GAD2: variants seen among roughly 807,000 people sequenced by gnomAD.
GAD2 encodes 65 kDa glutamic acid decarboxylase.
Under a neutral mutation model 80.1 loss-of-function variants are expected in GAD2, and 22 were observed. The ratio of observed to expected loss-of-function variants is 0.27; its 90% CI spans 0.20 to 0.39. GAD2 has a LOEUF of 0.39. GAD2 is among the 10% of genes least tolerant of loss of function. The pLI, the probability that GAD2 is intolerant of heterozygous loss-of-function variation, is 1.00. For synonymous variants in GAD2, 274 were observed against 256.9 expected (o/e 1.07, Z -0.64); for missense variants, 624 against 738.4 (o/e 0.85, Z 1.80).
intron 15 of GAD2, among the ~76,000 whole-genome samples, chr10:26,295,082 C>CT (rs1554853859): frequency 0.011 from 1,688 of 150,726 alleles, 18 homozygotes; most frequent in South Asian, 0.019. Context: ...AGAATAAAAA[C>CT]TTTTTTTTTT....
chr10:26,292,415 T>C (rs1051294916), intron 13 of GAD2, 50 bp from the exon 14 acceptor site: 2 of 1,383,568 alleles, frequency 1.4e-6, no homozygotes, highest in Non-Finnish European at 2.1e-6. Context: ...GGAAATCGCT[T>C]CCTCCGCACT....
At chr10:26,286,025 T>A (rs1163958927) in intron 12 of GAD2, among the ~76,000 whole-genome samples, 2 of 152,196 alleles carry the variant, frequency 1.3e-5, no homozygotes, top group African/African-American at 4.8e-5. Flanking sequence ...TATAAATATA[T>A]GCTCTGGTTG....
intron 9 of GAD2, among the ~76,000 whole-genome samples, chr10:26,269,932 A>G (rs1023717838): frequency 6.6e-6 from 1 of 152,216 alleles, no homozygotes; most frequent in African/African-American, 2.4e-5. Context: ...CATCAACTAG[A>G]AGATTAAACC....
At chr10:26,292,611 C>A (rs1034990717) in intron 14 of GAD2, 39 bp downstream of exon 14, 2 of 1,422,036 alleles carry the variant, frequency 1.4e-6, no homozygotes, top group Non-Finnish European at 2.0e-6. Context: ...AAAGTTTAGT[C>A]AATTCCAACC....
chr10:26,288,487 C>T lies in GAD2; in HGVS notation c.1386+1993C>T, dbSNP rs527908543. Reference sequence around the variant, plus strand: ...GGTCCCCACCACCTAGTGGGAGACTCATTCTGCTAGCAATGACACTTTCAT... The same window carrying T: ...GGTCCCCACCACCTAGTGGGAGACTTATTCTGCTAGCAATGACACTTTCAT... On this transcript the variant is annotated intron_variant, in intron 13 of 15. Coordinates refer to ENST00000376261, the MANE Select transcript of GAD2 (RefSeq NM_001134366.2). 5.9e-5 allele frequency among the ~76,000 whole-genome samples: 9 copies of T among 152,270 alleles called. No individual in the cohort carries two copies. In the South Asian group the frequency reaches 1.9e-3, roughly 32 times the overall value.
chr10:26,241,634 C>T (rs1844744171), intron 7 of GAD2, among the ~76,000 whole-genome samples: 1 of 151,948 alleles, frequency 6.6e-6, no homozygotes, highest in South Asian at 2.1e-4. Context: ...AACACGTTAC[C>T]TTTTTCTCCA....
At chr10:26,228,308 C>T (rs896844685) in intron 6 of GAD2, among the ~76,000 whole-genome samples, 1 of 152,212 alleles carries the variant, frequency 6.6e-6, no homozygotes, top group Admixed American at 6.5e-5. Context: ...AATCTTATGG[C>T]GTGGAATCCC....
chr10:26,237,120 G>A (rs1844682467), intron 7 of GAD2, among the ~76,000 whole-genome samples: 1 of 152,122 alleles, frequency 6.6e-6, no homozygotes, highest in African/African-American at 2.4e-5. Context: ...GGGGGAGAGA[G>A]CAGTGGGCAG....
intron 12 of GAD2, among the ~76,000 whole-genome samples, chr10:26,285,768 G>GTT (rs11351928): frequency 2.8e-5 from 4 of 145,138 alleles, no homozygotes. Context: ...CAATATGTGG[G>GTT]TTTTTTTTTT....
intron 15 of GAD2, among the ~76,000 whole-genome samples, chr10:26,297,922 C>T (rs1484336936): frequency 1.3e-5 from 2 of 152,216 alleles, no homozygotes; most frequent in Admixed American, 1.3e-4. Context: ...ATGTAACATA[C>T]ATCCCATGTT....
intron 8 of GAD2, among the ~76,000 whole-genome samples, chr10:26,263,711 A>AG (rs1845035402): frequency 6.6e-6 from 1 of 152,222 alleles, no homozygotes; most frequent in East Asian, 1.9e-4. Flanking sequence ...ACAAACAACT[A>AG]GCAGGTTTTT....
intron 7 of GAD2, among the ~76,000 whole-genome samples, chr10:26,238,670 A>C (rs1844705012): frequency 6.6e-6 from 1 of 152,246 alleles, no homozygotes; most frequent in Non-Finnish European, 1.5e-5. Context: ...CGAATCACAC[A>C]GTCTCTAAAA....
At chr10:26,298,949 T>G (rs1295916652) in intron 15 of GAD2, among the ~76,000 whole-genome samples, 1 of 152,214 alleles carries the variant, frequency 6.6e-6, no homozygotes, top group Non-Finnish European at 1.5e-5. Flanking sequence ...ATGAGTCCAG[T>G]GCTCTGCATA....
At chr10:26,264,360 T>C (rs951633607) in intron 8 of GAD2, among the ~76,000 whole-genome samples, 1 of 149,270 alleles carries the variant, frequency 6.7e-6, no homozygotes, top group Admixed American at 6.8e-5. Context: ...TCGCCCAGGC[T>C]GGACAGTGGC....
chr10:26,292,568 G>A lies in GAD2; in HGVS notation c.1490G>A (p.Gly497Glu). 1 of 1,605,718 alleles carries A rather than the reference G, an allele frequency of 6.2e-7. No individual in the cohort carries two copies. Among genetic ancestry groups the A allele is most frequent in the South Asian group, 1.1e-5 (1 of 90,830 alleles). Reference sequence around the variant, plus strand: ...GAAGGATATGAGATGGTGTTTGATGGGAAGGTATGTATTTGGATTTCTACA... The same window carrying A: ...GAAGGATATGAGATGGTGTTTGATGAGAAGGTATGTATTTGGATTTCTACA... ...NREGYEMVFD[G>E]KPQHTNVCFW... Residue 497 changes from glycine (G) to glutamate (E), a missense_variant, in exon 14 of 16, where the codon GGG becomes GAG. Physicochemically the swap from Gly to Glu is moderately conservative, Grantham distance 98. Coordinates refer to ENST00000376261, the MANE Select transcript of GAD2 (RefSeq NM_001134366.2).
At chr10:26,288,442 C>T (rs1176511648) in intron 13 of GAD2, among the ~76,000 whole-genome samples, 2 of 152,144 alleles carry the variant, frequency 1.3e-5, no homozygotes, top group Admixed American at 1.3e-4. Flanking sequence ...AAATTGACAG[C>T]CCAACAAGGA....
chr10:26,279,141 G>A (rs1168169726), intron 11 of GAD2, among the ~76,000 whole-genome samples: 1 of 152,116 alleles, frequency 6.6e-6, no homozygotes, highest in Non-Finnish European at 1.5e-5. Context: ...CAGTAAATGT[G>A]TGAAGTGAGC....
chr10:26,273,621 A>G lies in GAD2; in HGVS notation c.1093-15A>G, dbSNP rs2132307121. The G allele has an allele frequency of 6.2e-7, 1 of 1,611,198 alleles. No homozygotes were observed. The highest frequency in any genetic ancestry group is 8.5e-7 in the Non-Finnish European group (1 of 1,177,560). ...GACAAACTGCTACCATTTTCCTCAT[A>G]TGATTTTTTTTCAGGCAGCTTGGGG... On this transcript the variant is annotated splice_polypyrimidine_tract_variant and intron_variant, in intron 10 of 15. Transcript: ENST00000376261.
chr10:26,278,011 G>A (rs1299767955), intron 11 of GAD2, among the ~76,000 whole-genome samples: 1 of 151,286 alleles, frequency 6.6e-6, no homozygotes, highest in Non-Finnish European at 1.5e-5. Context: ...TAAATAAATT[G>A]CCAACATTTC....
Sources: allele counts gnomAD v4.1 joint callset (sites outside exome capture counted in the v4.1 genomes callset), GRCh38; gene constraint gnomAD v4.1.1; transcripts MANE v1.5; gene names NCBI Gene and HGNC (gene_info 2026-07-23, HGNC 2026-07-21).